Variants in NID1 observed in about 807,000 individuals in gnomAD.
NID1 encodes the protein nidogen 1.
NID1 carries 76 observed loss-of-function variants against 130.6 expected under a neutral mutation model. That is an observed-to-expected ratio of 0.58 (90% confidence interval 0.48 to 0.70). The LOEUF (loss-of-function observed/expected upper bound fraction) is 0.70. NID1 is among the 30% of genes least tolerant of loss of function. The pLI is 0.00. For synonymous variants in NID1, 665 were observed against 675.1 expected, an observed-to-expected ratio of 0.98 and a Z score of 0.23; for missense variants, 1,517 against 1,664.8, an observed-to-expected ratio of 0.91 and a Z score of 1.54.
In NID1 at chr1:235,990,810, G is replaced by C. The variant is rs923947820; in HGVS notation, c.2928+76C>G. The C allele has an allele frequency of 1.2e-5, 18 of 1,537,824 alleles. No homozygotes were observed. The African/African-American group carries it at 1.9e-4, about 16-fold the overall frequency. On this transcript the variant is annotated intron_variant, in intron 14 of 19. Coordinates refer to ENST00000264187, the MANE Select transcript of NID1 (RefSeq NM_002508.3). ...TCCAGGGGTTGAGCCTGGGGTTCTG[G>C]TCTGATATCGTCCTGCTTGTTTTTC...
In NID1 at chr1:236,045,659, C is replaced by T. The variant is rs774283392; in HGVS notation, c.550G>A (p.Ala184Thr). 2.5e-6 allele frequency: 4 copies of T among 1,613,534 alleles called. No individual in the cohort carries two copies. The African/African-American group carries it at 4.0e-5, about 16-fold the overall frequency. ...GCATAGGAGCTGGAATCAGAGGAGG[C>T]TAGAACAGCCTGGAACGTGTTTCTC... ...GKRNTFQAVL[A>T]SSDSSSYAIF... is the part of the protein sequence containing the mutation. The change falls in exon 3 of 20, where the codon GCC (alanine) becomes ACC (threonine). Residue 184 changes from alanine (A) to threonine (T), a missense_variant. This residue lies in a region of NID1 where 1,329 missense variants were observed against 1,429.2 expected (regional missense o/e 0.93). Transcript: ENST00000264187.
chr1:236,007,457 G>A (rs1658283512), intron 12 of NID1, among the ~76,000 whole-genome samples: 1 of 152,118 alleles, frequency 6.6e-6, no homozygotes, highest in African/African-American at 2.4e-5. Flanking sequence ...CCATACTTGG[G>A]CAGACCCCTG....
chr1:236,064,587 G>A, intron 1 of NID1: 1 of 439,634 alleles, frequency 2.3e-6, no homozygotes. Flanking sequence ...CGGGGAGGAA[G>A]CTCCGCGGGG....
intron 15 of NID1, among the ~76,000 whole-genome samples, chr1:235,984,480 C>T (rs962500980): frequency 2.6e-5 from 4 of 152,100 alleles, no homozygotes; most frequent in Non-Finnish European, 5.9e-5. Context: ...GGGAAACATT[C>T]CATTGAAAAT....
At chr1:235,980,010 AC>A in intron 17 of NID1, 65 bp from the exon 18 acceptor site, 2 of 1,581,914 alleles carry the variant, frequency 1.3e-6, no homozygotes, top group South Asian at 2.2e-5. Flanking sequence ...TGCAAAAAAA[AC>A]AAGAGTAATG....
intron 12 of NID1, among the ~76,000 whole-genome samples, chr1:236,001,744 A>G (rs945855940): frequency 6.6e-6 from 1 of 152,216 alleles, no homozygotes; most frequent in African/African-American, 2.4e-5. Context: ...AAAGGCAAAC[A>G]AAGAAGGGAA....
rs569820923 is a variant in NID1 at position 236,057,761 on chromosome 1, A to AAAAAG, written c.225+7089_225+7093dup. Among the ~76,000 whole-genome samples the AAAAAG allele has an allele frequency of 3.2e-3, 494 of 152,184 alleles. 3 individuals carry two copies. The highest frequency in any genetic ancestry group is 0.011 in the African/African-American group (469 of 41,486). On this transcript the variant is annotated intron_variant, in intron 1 of 19. Transcript: ENST00000264187. ...AGAGAGAGAGAGAAAGGAAAGGAAA[A>AAAAAG]AAAAGAAAAGAAAAGAAAAAAAGAA...
intron 1 of NID1, among the ~76,000 whole-genome samples, chr1:236,062,870 T>C (rs1284066055): frequency 6.6e-6 from 1 of 151,956 alleles, no homozygotes; most frequent in South Asian, 2.1e-4. Context: ...AAAGTAAGCA[T>C]ATAGGCCAGG....
At chr1:236,054,158 A>C (rs1659834865) in intron 1 of NID1, among the ~76,000 whole-genome samples, 1 of 152,208 alleles carries the variant, frequency 6.6e-6, no homozygotes, top group African/African-American at 2.4e-5. Context: ...TATAGATTTT[A>C]AAAATTCTAA....
rs1657351151 is a variant in NID1, at chr1:235,978,985, G to A, written c.3622+10C>T. The A allele has an allele frequency of 6.3e-7, 1 of 1,595,102 alleles. No homozygotes were observed. The highest frequency in any genetic ancestry group is 2.2e-5 in the East Asian group (1 of 44,768). On this transcript the variant is annotated intron_variant, in intron 19 of 19. Transcript: ENST00000264187. ...CCAGTATGCCAACAGTAACAGCACAGGAGAGTTACCTTGCGGACACTGAGA... is the reference window on the plus strand; with the variant it reads ...CCAGTATGCCAACAGTAACAGCACAAGAGAGTTACCTTGCGGACACTGAGA...
In NID1 at chr1:235,977,168, A is replaced by G. The variant is rs1657281677; in HGVS notation, c.*699T>C. 1 of 152,226 alleles carries G rather than the reference A, an allele frequency of 6.6e-6. No homozygotes were observed. Among genetic ancestry groups the G allele is most frequent in the African/African-American group, 2.4e-5 (1 of 41,454 alleles). The allele number at this position is 152,226 out of a possible 1,614,324, so 9.4% of individuals were successfully genotyped here. On this transcript the variant is annotated 3_prime_UTR_variant, in exon 20 of 20. Coordinates refer to ENST00000264187, the MANE Select transcript of NID1 (RefSeq NM_002508.3). ...TTTAAGCCTTTAACTAACAAATGCCAATATCCTACTGCTCAAATATTGACA... is the reference window on the plus strand; with the variant it reads ...TTTAAGCCTTTAACTAACAAATGCCGATATCCTACTGCTCAAATATTGACA...
chr1:236,043,802 CAACAACAAA>C (rs1249513824), intron 3 of NID1, among the ~76,000 whole-genome samples: 6 of 151,918 alleles, frequency 3.9e-5, no homozygotes, highest in Non-Finnish European at 8.8e-5. Context: ...CATCTCAAAA[CAACAACAAA>C]AACAACAAAA....
intron 6 of NID1, 116 bp from the exon 7 acceptor site, chr1:236,029,866 T>G: frequency 1.1e-6 from 1 of 924,568 alleles, no homozygotes; most frequent in South Asian, 1.5e-5. Flanking sequence ...TGCTTTGGTT[T>G]GGCTGTAGAA....
chr1:236,050,552 CA>C (rs71868379), intron 1 of NID1, among the ~76,000 whole-genome samples: 32,993 of 128,114 alleles, frequency 0.26, 3,696 homozygotes, highest in East Asian at 0.36. Flanking sequence ...AATTCCATTT[CA>C]AAAAAAAAAA....
In NID1 at chr1:235,978,090, T is replaced by A. The variant is rs4659617; in HGVS notation, c.3623-102A>T. Reference sequence around the variant, plus strand: ...CTTGTGTGTGATCCCCCTTTTAGTTTCCTTGAAGCCATGCTAGGAAGGCTT... The same window carrying A: ...CTTGTGTGTGATCCCCCTTTTAGTTACCTTGAAGCCATGCTAGGAAGGCTT... On this transcript the variant is annotated intron_variant, in intron 19 of 19. Coordinates refer to ENST00000264187, the MANE Select transcript of NID1 (RefSeq NM_002508.3). 8 of 1,409,130 alleles carry A rather than the reference T, an allele frequency of 5.7e-6. No homozygotes were observed. The Admixed American group carries it at 1.7e-4, about 30-fold the overall frequency. The allele number at this position is 1,409,130 out of a possible 1,614,324, so 87.3% of individuals were successfully genotyped here. A position where few individuals can be genotyped will look rare whatever the true frequency, so the allele number is the denominator to read the frequency against.
chr1:236,030,631 A>G (rs1659070109), intron 6 of NID1, among the ~76,000 whole-genome samples: 2 of 152,224 alleles, frequency 1.3e-5, no homozygotes, highest in Non-Finnish European at 2.9e-5. Context: ...AGCCGTCGCA[A>G]CAGAGACCAT....
At chr1:236,023,975 T>C in intron 9 of NID1, 95 bp downstream of exon 9, 1 of 1,513,100 alleles carries the variant, frequency 6.6e-7, no homozygotes, top group Non-Finnish European at 9.0e-7. Context: ...TCATCCGTGC[T>C]TCCTTGCTGC....
chr1:236,012,286 G>T (rs1214286156), intron 11 of NID1, among the ~76,000 whole-genome samples: 1 of 152,168 alleles, frequency 6.6e-6, no homozygotes, highest in Non-Finnish European at 1.5e-5. Context: ...GCCAGGCACC[G>T]TGGCTCACGC....
Position 236,065,033 on chromosome 1 carries a change from A to AGCGCCC in NID1, c.41_46dup (p.Arg14_Ala15dup). On this transcript the variant is annotated inframe_insertion, in exon 1 of 20. Transcript: ENST00000264187. The surrounding 1 kb of genome is among the most constrained non-coding windows in gnomAD (Gnocchi z 4.1). Reference sequence around the variant, plus strand: ...CCCCGCCAGCAGCAGCGGCAGCAGCAGCGCCCGCGTCCACGCAGCCCGGAT... The same window carrying AGCGCCC: ...CCCCGCCAGCAGCAGCGGCAGCAGCAGCGCCCGCGCCCGCGTCCACGCAGCCCGGAT... 2 of 1,557,584 alleles carry AGCGCCC rather than the reference A, an allele frequency of 1.3e-6. No homozygotes were observed. Among genetic ancestry groups the AGCGCCC allele is most frequent in the Non-Finnish European group, 1.7e-6 (2 of 1,150,930 alleles).
Sources: allele counts gnomAD v4.1 joint callset (sites outside exome capture counted in the v4.1 genomes callset), GRCh38; gene constraint gnomAD v4.1.1; regional missense constraint gnomAD v4.1.1; non-coding constraint Gnocchi (gnomAD v3.1); transcripts MANE v1.5; gene names NCBI Gene and HGNC (gene_info 2026-07-23, HGNC 2026-07-21).